GPM6A: variants seen among roughly 807,000 people sequenced by gnomAD.
GPM6A encodes glycoprotein M6A, also known as neuronal membrane glycoprotein M6-a.
A neutral mutation model predicts 32.1 loss-of-function variants in GPM6A; 7 were observed. The observed-to-expected ratio is 0.22, with a 90% confidence interval of 0.12 to 0.41. The LOEUF (loss-of-function observed/expected upper bound fraction) is 0.41. Ranked by LOEUF, GPM6A falls within the 10% of genes least tolerant of loss-of-function variation. The pLI, the probability that GPM6A is intolerant of heterozygous loss-of-function variation, is 1.00. For synonymous variants in GPM6A, 130 were observed against 123.4 expected, an observed-to-expected ratio of 1.05 and a Z score of -0.35; for missense variants, 235 against 347.2, an observed-to-expected ratio of 0.68 and a Z score of 2.57.
At chr4:175,711,453 TATATAC>T (rs1352614623) in intron 1 of GPM6A, among the ~76,000 whole-genome samples, 6,279 of 35,486 alleles carry the variant, frequency 0.18, 1,051 homozygotes, top group Non-Finnish European at 0.3. Flanking sequence ...TATATATATA[TATATAC>T]ACACACATAC....
chr4:176,002,214 A>T, intron 1 of GPM6A: 1 of 1,303,898 alleles, frequency 7.7e-7, no homozygotes, highest in Non-Finnish European at 1.1e-6. Flanking sequence ...GGAAGGACGC[A>T]GTCTGAGGCC....
chr4:175,931,637 G>A (rs1739040673), intron 1 of GPM6A, among the ~76,000 whole-genome samples: 1 of 151,332 alleles, frequency 6.6e-6, no homozygotes, highest in African/African-American at 2.4e-5. Context: ...AAAGCTTTAA[G>A]AGTCCATTTC....
chr4:175,659,434 C>T (rs1277325211), intron 3 of GPM6A, among the ~76,000 whole-genome samples: 1 of 152,028 alleles, frequency 6.6e-6, no homozygotes, highest in Admixed American at 6.6e-5. Context: ...ATAACAAATA[C>T]AGTATTACTA....
At chr4:175,780,799 A>G (rs1235145655) in intron 1 of GPM6A, among the ~76,000 whole-genome samples, 1 of 152,172 alleles carries the variant, frequency 6.6e-6, no homozygotes, top group Non-Finnish European at 1.5e-5. Flanking sequence ...TGTGTTCTCT[A>G]TCTCCAAAAT....
chr4:175,634,234 T>C lies in GPM6A; in HGVS notation c.*671A>G, dbSNP rs965936969. Reference sequence around the variant, plus strand: ...TACATGCTCACAACATAAACATGAGTAATCTGAGGGAAATACCTTTTAAGA... The same window carrying C: ...TACATGCTCACAACATAAACATGAGCAATCTGAGGGAAATACCTTTTAAGA... On this transcript the variant is annotated 3_prime_UTR_variant, in exon 7 of 7. Transcript: ENST00000393658. 2 of 152,400 alleles carry C rather than the reference T, an allele frequency of 1.3e-5. No homozygotes were observed. The highest frequency in any genetic ancestry group is 4.8e-5 in the African/African-American group (2 of 41,392). 9.4% of individuals were successfully genotyped at this position (152,400 alleles called of 1,614,324 possible).
upstream of GPM6A, among the ~76,000 whole-genome samples, chr4:175,814,902 C>T (rs1321891486): frequency 6.6e-6 from 1 of 152,170 alleles, no homozygotes; most frequent in Admixed American, 6.5e-5. Flanking sequence ...CCATGGCCAC[C>T]AGCTATCTCC....
Position 175,755,861 on chromosome 4 carries a change from A to AT in GPM6A, c.38-54095_38-54094insA, listed in dbSNP as rs570344618. On this transcript the variant is annotated intron_variant, in intron 1 of 6. Coordinates refer to ENST00000393658, the MANE Select transcript of GPM6A (RefSeq NM_201591.3). ...TGATGGCTTCTGTGTGTCAGTGACT[A>AT]CAACGATCTCAGGAGATTTGGAAAG... Among the ~76,000 whole-genome samples the AT allele has an allele frequency of 5.3e-5, 8 of 152,320 alleles. No homozygotes were observed. The East Asian group carries it at 1.2e-3, about 22-fold the overall frequency.
At chr4:175,988,803 T>C (rs555986079) in intron 1 of GPM6A, among the ~76,000 whole-genome samples, 30 of 152,298 alleles carry the variant, frequency 2.0e-4, no homozygotes, top group African/African-American at 6.0e-4. Flanking sequence ...AAGAGCCTAA[T>C]TGGCAAAGAT....
At chr4:175,785,433 C>T (rs1733763004) in intron 1 of GPM6A, among the ~76,000 whole-genome samples, 1 of 152,154 alleles carries the variant, frequency 6.6e-6, no homozygotes, top group South Asian at 2.1e-4. Context: ...TCTTAAGCTA[C>T]TAACTTTGTG....
At chr4:175,668,814 C>T (rs1350594723) in intron 3 of GPM6A, among the ~76,000 whole-genome samples, 2 of 152,136 alleles carry the variant, frequency 1.3e-5, no homozygotes, top group African/African-American at 2.4e-5. Flanking sequence ...AATGATCTTA[C>T]TAAGATGCAA....
intron 1 of GPM6A, among the ~76,000 whole-genome samples, chr4:175,976,157 C>CTT (rs1355808343): frequency 5.9e-5 from 8 of 135,732 alleles, no homozygotes; most frequent in East Asian, 4.3e-4. Context: ...AATATGTCGT[C>CTT]TTTTTTTTTT....
At chr4:175,672,100 A>G (rs542773879) in intron 3 of GPM6A, among the ~76,000 whole-genome samples, 19 of 152,180 alleles carry the variant, frequency 1.2e-4, no homozygotes, top group African/African-American at 1.2e-4. Flanking sequence ...ATCTCTCTCT[A>G]TATATAGATA....
rs570978319 is a variant in GPM6A at position 175,752,996 on chromosome 4, A to G, written c.38-51229T>C. On this transcript the variant is annotated intron_variant, in intron 1 of 6. Coordinates refer to ENST00000393658, the MANE Select transcript of GPM6A (RefSeq NM_201591.3). ...GAAGAATCATTTAATCAATTCCATT[A>G]GTATTCCCATGCGCTGAAACATAGT... Among the ~76,000 whole-genome samples, 8 of 152,322 alleles carry G rather than the reference A, an allele frequency of 5.3e-5. No homozygotes were observed. In the South Asian group the frequency reaches 1.5e-3, roughly 28 times the overall value.
At chr4:176,000,789 G>A (rs945952872) in intron 1 of GPM6A, among the ~76,000 whole-genome samples, 1 of 151,928 alleles carries the variant, frequency 6.6e-6, no homozygotes, top group African/African-American at 2.4e-5. Context: ...AAAATATTCC[G>A]GACCTGTCTT....
upstream of GPM6A, among the ~76,000 whole-genome samples, chr4:175,815,754 G>C (rs190871499): frequency 4.6e-3 from 425 of 91,452 alleles, 4 homozygotes; most frequent in African/African-American, 0.017. Flanking sequence ...TTTTGCTCTT[G>C]TTGACCAGGC....
In GPM6A at chr4:175,701,785, G is replaced by A. The variant is rs1404775759; in HGVS notation, c.38-18C>T. On this transcript the variant is annotated intron_variant, in intron 1 of 6. Coordinates refer to ENST00000393658, the MANE Select transcript of GPM6A (RefSeq NM_201591.3). ...AAAACACCCTGTAGAAGATCACAAA[G>A]GGAGAAATTCATATTTTTGTTAACC... The A allele has an allele frequency of 7.8e-6, 12 of 1,547,826 alleles. No homozygotes were observed. The highest frequency in any genetic ancestry group is 2.3e-5 in the East Asian group (1 of 44,290).
At chr4:175,731,866 G>A (rs1731447351) in intron 1 of GPM6A, among the ~76,000 whole-genome samples, 1 of 152,084 alleles carries the variant, frequency 6.6e-6, no homozygotes, top group Middle Eastern at 3.4e-3. Flanking sequence ...GCATGACAGG[G>A]ATGCTCTTGC....
chr4:175,910,883 A>G (rs1171312926), intron 1 of GPM6A, among the ~76,000 whole-genome samples: 1 of 152,200 alleles, frequency 6.6e-6, no homozygotes, highest in Non-Finnish European at 1.5e-5. Context: ...TATGCAATCC[A>G]TAAATGAATG....
intron 1 of GPM6A, among the ~76,000 whole-genome samples, chr4:175,935,012 G>A (rs1269923422): frequency 6.6e-6 from 1 of 152,172 alleles, no homozygotes; most frequent in African/African-American, 2.4e-5. Context: ...AGAACTGTTT[G>A]TTATTTAAGA....
Sources: gnomAD v4.1 joint callset for allele counts (sites outside exome capture counted in the v4.1 genomes callset) on GRCh38, gnomAD v4.1.1 for gene constraint, MANE v1.5 for transcripts, NCBI Gene and HGNC (gene_info 2026-07-23, HGNC 2026-07-21) for gene names.